The following DDX17 variants were observed in gnomAD, a reference collection of about 807,000 sequenced individuals.
DDX17 encodes DEAD-box helicase 17.
Under a neutral mutation model 80.8 loss-of-function variants are expected in DDX17, and 10 were observed. The observed-to-expected ratio is 0.12, with a 90% CI of 0.08 to 0.21. The LOEUF (loss-of-function observed/expected upper bound fraction) is 0.21, where lower values mean the gene tolerates loss of function less well. DDX17 is among the 10% of genes least tolerant of loss of function. The probability of loss-of-function intolerance (pLI) is 1.00; values close to 1 mark genes in which losing one functional copy is unlikely to be tolerated. For synonymous variants in DDX17, 339 were observed against 336.2 expected, an observed-to-expected ratio of 1.01 and a Z score of -0.09; for missense variants, 586 against 957.4, an observed-to-expected ratio of 0.61 and a Z score of 5.12.
intron 1 of DDX17, among the ~76,000 whole-genome samples, chr22:38,501,513 C>A (rs935889967): frequency 6.6e-6 from 1 of 152,038 alleles, no homozygotes; most frequent in Admixed American, 6.6e-5. Flanking sequence ...ATTAAAAATC[C>A]CTTTATTGAG....
At chr22:38,500,944 A>G (rs1262129368) in intron 2 of DDX17, among the ~76,000 whole-genome samples, 186 bp downstream of exon 2, 1 of 149,922 alleles carries the variant, frequency 6.7e-6, no homozygotes, top group Admixed American at 6.7e-5. Flanking sequence ...CAGCCTGGGG[A>G]ATATGGCGAA....
At chr22:38,490,350 G>T in intron 11 of DDX17, 1 of 1,289,396 alleles carries the variant, frequency 7.8e-7, no homozygotes, top group African/African-American at 1.5e-5. Flanking sequence ...ACTAAGTCTA[G>T]CCAAGAGGCT....
At chr22:38,491,952 A>G in intron 11 of DDX17, 104 bp downstream of exon 11, 1 of 676,412 alleles carries the variant, frequency 1.5e-6, no homozygotes, top group Non-Finnish European at 2.3e-6. Context: ...TTATCTAACC[A>G]CATGTATATA....
intron 1 of DDX17, among the ~76,000 whole-genome samples, chr22:38,504,193 C>G (rs1278150936): frequency 6.6e-6 from 1 of 152,220 alleles, no homozygotes; most frequent in Non-Finnish European, 1.5e-5. Context: ...CATATTTGCA[C>G]ATATCCTTAA....
chr22:38,498,338 A>T, intron 4 of DDX17, 102 bp downstream of exon 4: 2 of 1,518,006 alleles, frequency 1.3e-6, no homozygotes, highest in Non-Finnish European at 1.8e-6. Flanking sequence ...ATAGTATCTA[A>T]CTATCTGAAT....
intron 11 of DDX17, chr22:38,488,770 C>T (rs5750609): frequency 0.11 from 107,831 of 985,428 alleles, 6,335 homozygotes; most frequent in East Asian, 0.16. Flanking sequence ...TATCTATCCC[C>T]TTTCAATTAC....
chr22:38,494,372 G>A (rs2089741009), intron 8 of DDX17: 3 of 589,082 alleles, frequency 5.1e-6, no homozygotes, highest in South Asian at 2.2e-5. Flanking sequence ...TGAAGAAACT[G>A]CAGCACCAAG....
At chr22:38,493,045 T>C (rs1056388460) in intron 10 of DDX17, among the ~76,000 whole-genome samples, 1 of 152,212 alleles carries the variant, frequency 6.6e-6, no homozygotes, top group African/African-American at 2.4e-5. Context: ...GCCAGCATCG[T>C]GGCCCTTAAA....
chr22:38,497,793 CA>C (rs201107229), intron 5 of DDX17, among the ~76,000 whole-genome samples: 4 of 150,882 alleles, frequency 2.7e-5, no homozygotes, highest in African/African-American at 7.3e-5. Context: ...AACAAAAAAA[CA>C]AAAAAAACCA....
chr22:38,499,485 C>T lies in DDX17; in HGVS notation c.453G>A (p.Glu151=). ...CTGTAATCTCCTTCTTTCGGCGTAGCTCATCAACCTCATACTATTGAAAAA... is the reference window on the plus strand; with the variant it reads ...CTGTAATCTCCTTCTTTCGGCGTAGTTCATCAACCTCATACTATTGAAAAA... Residue 151 remains glutamate (E), a synonymous_variant, in exon 3 of 13, where the codon GAG becomes GAA. Transcript: ENST00000403230. The T allele has an allele frequency of 1.2e-6, 2 of 1,611,826 alleles. No individual in the cohort carries two copies. The highest frequency in any genetic ancestry group is 1.7e-6 in the Non-Finnish European group (2 of 1,178,568).
intron 1 of DDX17, among the ~76,000 whole-genome samples, chr22:38,503,238 G>A (rs1184753476): frequency 6.6e-6 from 1 of 152,200 alleles, no homozygotes; most frequent in African/African-American, 2.4e-5. Flanking sequence ...ACTTGCAAAT[G>A]AAGCAGCTAA....
At chr22:38,495,997 A>AG (rs1169981615) in intron 5 of DDX17, 60 bp from the exon 6 acceptor site, 1,007 of 1,376,100 alleles carry the variant, frequency 7.3e-4, no homozygotes, top group Admixed American at 1.5e-3. Context: ...AAAAAAAAAA[A>AG]AAGAAGAAAC....
chr22:38,491,923 A>AT lies in DDX17; in HGVS notation c.1447+132dup, dbSNP rs990567829. ...GGGAATGGGGAGAATCACGCTTTGT[A>AT]TTTTTTTCTTTCAAATATTTATCTA... On this transcript the variant is annotated intron_variant, in intron 11 of 12. Coordinates refer to ENST00000403230, the MANE Select transcript of DDX17 (RefSeq NM_006386.5). 4.9e-6 allele frequency: 3 copies of AT among 607,622 alleles called. No individual in the cohort carries two copies. The African/African-American group carries it at 5.8e-5, about 12-fold the overall frequency. The allele number at this position is 607,622 out of a possible 1,614,324, so 37.6% of individuals were successfully genotyped here. A position where few individuals can be genotyped will look rare whatever the true frequency, so the allele number is the denominator to read the frequency against.
chr22:38,503,907 G>T (rs535434770), intron 1 of DDX17, among the ~76,000 whole-genome samples: 1 of 152,198 alleles, frequency 6.6e-6, no homozygotes, highest in Non-Finnish European at 1.5e-5. Context: ...GAAAGGGAGA[G>T]TTGGGGCACA....
intron 10 of DDX17, among the ~76,000 whole-genome samples, chr22:38,493,056 G>A (rs2089728680): frequency 6.6e-6 from 1 of 152,204 alleles, no homozygotes; most frequent in Non-Finnish European, 1.5e-5. Flanking sequence ...GGCCCTTAAA[G>A]AACCATGAGC....
intron 1 of DDX17, among the ~76,000 whole-genome samples, chr22:38,504,972 G>T (rs1358525554): frequency 3.9e-5 from 6 of 152,168 alleles, no homozygotes; most frequent in African/African-American, 1.2e-4. Flanking sequence ...GCAATGGCGC[G>T]ATCTCGGCTC....
rs751203171 is a variant in DDX17 at position 38,492,132 on chromosome 22, T to C, written c.1388-17A>G. The C allele has an allele frequency of 2.5e-6, 4 of 1,601,718 alleles. No homozygotes were observed. In the African/African-American group the frequency reaches 4.0e-5, roughly 16 times the overall value. On this transcript the variant is annotated splice_polypyrimidine_tract_variant and intron_variant, in intron 10 of 12. Transcript: ENST00000403230. Reference sequence around the variant, plus strand: ...AACGGAACTCTGTAAAAACAAACAATAATCATCATCAAATAAGCATTCCTT... The same window carrying C: ...AACGGAACTCTGTAAAAACAAACAACAATCATCATCAAATAAGCATTCCTT...
rs770100149 is a variant in DDX17 at position 38,506,260 on chromosome 22, C to A, written c.-23G>T. 3.8e-6 allele frequency: 6 copies of A among 1,583,220 alleles called. No individual in the cohort carries two copies. The highest frequency in any genetic ancestry group is 4.6e-5 in the East Asian group (2 of 43,452). ...CAGGTTTGGCTACGCTCAAACCGGG[C>A]AGTGCCGCGGTTTAGGCGTCTCCTT... On this transcript the variant is annotated 5_prime_UTR_variant, in exon 1 of 13. Coordinates refer to ENST00000403230, the MANE Select transcript of DDX17 (RefSeq NM_006386.5).
At position 38,494,909 on chromosome 22, in the gene DDX17, G is replaced by A. The variant is rs2089745566; in HGVS notation, c.1018C>T (p.Arg340Cys). The A allele has an allele frequency of 6.8e-6, 11 of 1,613,946 alleles. No homozygotes were observed. Among genetic ancestry groups the A allele is most frequent in the African/African-American group, 2.7e-5 (2 of 74,908 alleles). ...ACCCTGATTTGGTCAACAATTTTAC[G>A]GATCTGGGGTTCAAACCCCATATCA... Residue 340 changes from arginine (R) to cysteine (C), a missense_variant, in exon 7 of 13, where the codon CGT becomes TGT. By Grantham distance (180) the Arg-to-Cys change is radical. This residue lies in a region of DDX17 where 141 missense variants were observed against 379.3 expected (regional missense o/e 0.37). Coordinates refer to ENST00000403230, the MANE Select transcript of DDX17 (RefSeq NM_006386.5).
Sources: gnomAD v4.1 joint callset for allele counts (sites outside exome capture counted in the v4.1 genomes callset) on GRCh38, gnomAD v4.1.1 for gene constraint, gnomAD v4.1.1 regional missense constraint, MANE v1.5 for transcripts, NCBI Gene and HGNC (gene_info 2026-07-23, HGNC 2026-07-21) for gene names.